Variants in MYH8 observed in about 807,000 individuals in gnomAD.
The protein encoded by MYH8 is myosin heavy chain 8, also known as myosin-8.
Under a neutral mutation model 233.2 loss-of-function variants are expected in MYH8, and 168 were observed. The observed-to-expected ratio is 0.72, with a 90% CI of 0.64 to 0.82. The LOEUF is 0.82. MYH8 is among the 40% of genes least tolerant of loss of function. The pLI is 0.00. For missense variants in MYH8, 1,995 were observed against 2,327.8 expected (o/e 0.86, Z 2.94); for synonymous variants, 785 against 850.6 (o/e 0.92, Z 1.34).
rs1019644932 is a variant in MYH8, at chr17:10,413,888, G to C, written c.1147+14C>G. ...CATTCTCTCATTAAACCCAGATAAA[G>C]TTTCATTTGGTACCTTCTGTGCCAT... On this transcript the variant is annotated intron_variant, in intron 12 of 39. Coordinates refer to ENST00000403437, the MANE Select transcript of MYH8 (RefSeq NM_002472.3). 1.7e-5 allele frequency: 28 copies of C among 1,613,810 alleles called. No homozygotes were observed. Among genetic ancestry groups the C allele is most frequent in the Non-Finnish European group, 2.1e-5 (25 of 1,179,948 alleles).
Position 10,399,534 on chromosome 17 carries a change from T to C in MYH8, c.3862+9A>G. 6.2e-7 allele frequency: 1 copy of C among 1,613,110 alleles called. No homozygotes were observed. On this transcript the variant is annotated intron_variant, in intron 28 of 39. Transcript: ENST00000403437. Reference sequence around the variant, plus strand: ...CCATGGTGTTGGGACCCAGAGAAGATGTCTTTACCCGCTTCTGTCTGCAGG... The same window carrying C: ...CCATGGTGTTGGGACCCAGAGAAGACGTCTTTACCCGCTTCTGTCTGCAGG...
Position 10,401,041 on chromosome 17 carries a change from CCTA to C in MYH8, c.3254+2_3254+4del. 6.2e-7 allele frequency: 1 copy of C among 1,613,954 alleles called. No individual in the cohort carries two copies. Among genetic ancestry groups the C allele is most frequent in the East Asian group, 2.2e-5 (1 of 44,888 alleles). On this transcript the variant is annotated splice_donor_variant and splice_donor_region_variant and intron_variant, in intron 25 of 39. Coordinates refer to ENST00000403437, the MANE Select transcript of MYH8 (RefSeq NM_002472.3). LOFTEE classifies it high-confidence loss of function. ...CATAGAAGTTTTTTTCTAAAAGGCT[CCTA>C]CTTTTCAAGCTTTTCATCAAGTTGC...
At chr17:10,420,502 AC>A (rs2072328849) in intron 2 of MYH8, among the ~76,000 whole-genome samples, 3 of 152,348 alleles carry the variant, frequency 2.0e-5, no homozygotes, top group East Asian at 3.9e-4. Context: ...GGGATAGGGT[AC>A]CTACAATTGA....
rs768199968 is a variant in MYH8, at chr17:10,409,351, C to A, written c.1825G>T (p.Val609Phe). The change falls in exon 16 of 40, where the codon GTT (valine) becomes TTT (phenylalanine). Residue 609 changes from valine (V) to phenylalanine (F), a missense_variant. By Grantham distance (50) the Val-to-Phe change is conservative. This residue lies in a region of MYH8 where 1,498 missense variants were observed against 1,680.9 expected (regional missense o/e 0.89). Transcript: ENST00000403437. ...ATTGCAGACTTCTGGTACAGCCCAA[C>A]CACAGTATCATTCAGGGGGTCCTTA... ...KNKDPLNDTVVGLYQKSAMKT... is the reference protein window; with the variant it reads ...KNKDPLNDTVFGLYQKSAMKT... 2.5e-6 allele frequency: 4 copies of A among 1,614,202 alleles called. No homozygotes were observed. Among genetic ancestry groups the A allele is most frequent in the East Asian group, 2.2e-5 (1 of 44,890 alleles).
intron 35 of MYH8, 23 bp from the exon 36 acceptor site, chr17:10,393,233 T>A (rs769633113): frequency 8.7e-6 from 14 of 1,614,026 alleles, no homozygotes; most frequent in Admixed American, 1.7e-5. Context: ...GTCGTGGAAA[T>A]TTACAAAATT....
At chr17:10,391,800 T>C in intron 39 of MYH8, 82 bp downstream of exon 39, 1 of 1,040,984 alleles carries the variant, frequency 9.6e-7, no homozygotes, top group Non-Finnish European at 1.5e-6. Flanking sequence ...CTTTGTCTTC[T>C]TCCTTATTGA....
intron 29 of MYH8, 32 bp from the exon 30 acceptor site, chr17:10,398,672 C>T: frequency 6.2e-7 from 1 of 1,614,144 alleles, no homozygotes; most frequent in Non-Finnish European, 8.5e-7. Flanking sequence ...GACATAAATT[C>T]ATGTATTCAG....
intron 9 of MYH8, 105 bp from the exon 10 acceptor site, chr17:10,414,589 C>A: frequency 1.3e-6 from 1 of 787,896 alleles, no homozygotes; most frequent in Non-Finnish European, 2.2e-6. Flanking sequence ...CATTTGGCTC[C>A]AATGAGATTT....
intron 39 of MYH8, 76 bp downstream of exon 39, chr17:10,391,806 A>T: frequency 9.3e-7 from 1 of 1,072,186 alleles, no homozygotes; most frequent in Non-Finnish European, 1.5e-6. Flanking sequence ...CTTCTTCCTT[A>T]TTGACGCATT....
chr17:10,407,902 G>A (rs945004922), intron 17 of MYH8, among the ~76,000 whole-genome samples: 1 of 151,326 alleles, frequency 6.6e-6, no homozygotes, highest in African/African-American at 2.4e-5. Flanking sequence ...GGGTTGGTGG[G>A]TGTTGGGTAC....
In MYH8 at chr17:10,410,132, C is replaced by T. The variant is rs145490026; in HGVS notation, c.1588-544G>A. Among the ~76,000 whole-genome samples, 7 of 152,124 alleles carry T rather than the reference C, an allele frequency of 4.6e-5. No homozygotes were observed. The East Asian group carries it at 7.7e-4, about 17-fold the overall frequency. On this transcript the variant is annotated intron_variant, in intron 15 of 39. Transcript: ENST00000403437. ...CAGCTTGGGGACCATGGCAAAACAC[C>T]GTCTGTACAAAGAATACAAAAATTA...
chr17:10,391,261 G>A (rs2072020080), intron 39 of MYH8, among the ~76,000 whole-genome samples: 1 of 152,210 alleles, frequency 6.6e-6, no homozygotes, highest in Admixed American at 6.5e-5. Context: ...TTTTTTCTAT[G>A]TCTAGAGGGA....
chr17:10,394,522 G>C, intron 34 of MYH8, 70 bp from the exon 35 acceptor site: 1 of 1,551,608 alleles, frequency 6.4e-7, no homozygotes, highest in Non-Finnish European at 8.8e-7. Context: ...AGATGAACTG[G>C]GAGATTGTAC....
chr17:10,404,290 G>C (rs968513922), intron 22 of MYH8, 40 bp downstream of exon 22: 2 of 1,612,784 alleles, frequency 1.2e-6, no homozygotes, highest in Non-Finnish European at 1.7e-6. Context: ...TTTCAAAAAA[G>C]CTTCAGTAAC....
chr17:10,392,581 T>G lies in MYH8; in HGVS notation c.5529A>C (p.Leu1843Phe). Residue 1843 changes from leucine to phenylalanine, a missense_variant, in exon 38 of 40, where the codon TTA becomes TTC. Physicochemically the swap from Leu to Phe is conservative, Grantham distance 22. Coordinates refer to ENST00000403437, the MANE Select transcript of MYH8 (RefSeq NM_002472.3). ...CTTTTACTCGTCGCTCATGTTTCCGTAAACCTTTAACAGCCTCTGCATTAC... is the reference window on the plus strand; with the variant it reads ...CTTTTACTCGTCGCTCATGTTTCCGGAAACCTTTAACAGCCTCTGCATTAC... ...QKRNAEAVKG[L>F]RKHERRVKEL... 6.2e-7 allele frequency: 1 copy of G among 1,614,214 alleles called. No individual in the cohort carries two copies. Among genetic ancestry groups the G allele is most frequent in the Non-Finnish European group, 8.5e-7 (1 of 1,180,034 alleles).
chr17:10,419,983 A>C lies in MYH8; in HGVS notation c.210+35T>G. On this transcript the variant is annotated intron_variant, in intron 3 of 39. Coordinates refer to ENST00000403437, the MANE Select transcript of MYH8 (RefSeq NM_002472.3). The surrounding 1 kb of genome is among the most constrained non-coding windows in gnomAD (Gnocchi z 4.0). ...GGCTTCAACTTTTGAACCAAGAAAT[A>C]AAATGGGGAGTATTTTCTCCCTGTT... The C allele has an allele frequency of 6.2e-7, 1 of 1,603,346 alleles. No individual in the cohort carries two copies. Among genetic ancestry groups the C allele is most frequent in the Non-Finnish European group, 8.5e-7 (1 of 1,170,508 alleles).
rs758914169 is a variant in MYH8, at chr17:10,409,106, G to A, written c.1956C>T (p.Ala652=). ...TAAATTTGTACTTTACCCTGAAAAG[G>A]GCAGACACAGTCTGGAAAGAAGAGC... is the stretch of plus-strand genomic sequence containing the variant. ...KKGSSFQTVS[A]LFRENLNKLM... Residue 652 remains alanine (A), a synonymous_variant, in exon 17 of 40, where the codon GCC becomes GCT. Transcript: ENST00000403437. 6.8e-5 allele frequency: 109 copies of A among 1,613,772 alleles called. No homozygotes were observed. The highest frequency in any genetic ancestry group is 8.6e-5 in the Non-Finnish European group (102 of 1,179,846).
rs191992672 is a variant in MYH8, at chr17:10,417,303, T to C, written c.511+1342A>G. ...AAAATCTATTCAGGGAAAATAGATA[T>C]AAATCTGGATGTTATTTAGATGTAG... is the stretch of plus-strand genomic sequence containing the variant. On this transcript the variant is annotated intron_variant, in intron 5 of 39. Coordinates refer to ENST00000403437, the MANE Select transcript of MYH8 (RefSeq NM_002472.3). The surrounding 1 kb of genome is among the most constrained non-coding windows in gnomAD (Gnocchi z 4.1). 2.6e-5 allele frequency among the ~76,000 whole-genome samples: 4 copies of C among 152,380 alleles called. No individual in the cohort carries two copies. The East Asian group carries it at 7.7e-4, about 29-fold the overall frequency.
Position 10,396,610 on chromosome 17 carries a change from AG to A in MYH8, c.4470del (p.Tyr1491MetfsTer11), listed in dbSNP as rs1060499730. The A allele has an allele frequency of 4.8e-5, 78 of 1,614,064 alleles. No individual in the cohort carries two copies. The highest frequency in any genetic ancestry group is 6.3e-5 in the Non-Finnish European group (74 of 1,180,042). On this transcript the variant is annotated frameshift_variant, in exon 32 of 40. Transcript: ENST00000403437. LOFTEE classifies it high-confidence loss of function. This position sits in a 1 kb window ranked among gnomAD's most constrained non-coding sequence, Gnocchi z 4.2. ...TCGAGTTGATCCAGGGATTCCTCATAGACATTCTTCACCTTGAACAGCTCAG... is the reference window on the plus strand; with the variant it reads ...TCGAGTTGATCCAGGGATTCCTCATAACATTCTTCACCTTGAACAGCTCAG... The part of the protein sequence containing the change: ...LSTELFKVKN[V>X]YEESLDQLET...
Sources: allele counts gnomAD v4.1 joint callset (sites outside exome capture counted in the v4.1 genomes callset), GRCh38; gene constraint gnomAD v4.1.1; regional missense constraint gnomAD v4.1.1; non-coding constraint Gnocchi (gnomAD v3.1); transcripts MANE v1.5; gene names NCBI Gene and HGNC (gene_info 2026-07-23, HGNC 2026-07-21).